Variants in GOLPH3L observed in about 807,000 individuals in gnomAD.
GOLPH3L encodes the protein Golgi phosphoprotein 3-like.
Under a neutral mutation model 30.3 loss-of-function variants are expected in GOLPH3L, and 22 were observed. The ratio of observed to expected loss-of-function variants is 0.73; its 90% confidence interval spans 0.52 to 1.04. The LOEUF (loss-of-function observed/expected upper bound fraction) is 1.04. Ranked by LOEUF, GOLPH3L falls within the 50% of genes least tolerant of loss-of-function variation. GOLPH3L has a pLI of 0.00. For missense variants in GOLPH3L, 303 were observed against 345.8 expected (o/e 0.88, Z 0.98); for synonymous variants, 120 against 128.2 (o/e 0.94, Z 0.43).
At chr1:150,696,961 C>A (rs1324375356) in intron 1 of GOLPH3L, 31 bp downstream of exon 1, 2 of 151,904 alleles carry the variant, frequency 1.3e-5, no homozygotes, top group East Asian at 3.9e-4. Flanking sequence ...GGGGAAGGGA[C>A]GTTAGGAAAT....
intron 4 of GOLPH3L, among the ~76,000 whole-genome samples, chr1:150,660,445 G>T (rs1241141656): frequency 6.6e-6 from 1 of 151,988 alleles, no homozygotes; most frequent in East Asian, 1.9e-4. Context: ...ATATCCAAAA[G>T]AATTAAAAAC....
At chr1:150,672,254 T>C (rs1254479122) in intron 2 of GOLPH3L, among the ~76,000 whole-genome samples, 2 of 152,222 alleles carry the variant, frequency 1.3e-5, no homozygotes, top group African/African-American at 4.8e-5. Context: ...ATTTTATTAT[T>C]TTTTTCCTCC....
At position 150,648,433 on chromosome 1, in the gene GOLPH3L, A is replaced by T. The variant is rs1650030802; in HGVS notation, c.746T>A (p.Val249Glu). Residue 249 changes from valine to glutamate, a missense_variant, in exon 5 of 5, where the codon GTG (valine) becomes GAG (glutamate). Physicochemically the swap from Val to Glu is moderately radical, Grantham distance 121. Transcript: ENST00000271732. ...FSSLTDDKYD[V>E]AMNRAKDLVE... ...TAAGTCCTTGGCTCGATTCATTGCC[A>T]CATCATACTTGTCATCTGTCAGAGA... 6.2e-7 allele frequency: 1 copy of T among 1,613,722 alleles called. No individual in the cohort carries two copies. Among genetic ancestry groups the T allele is most frequent in the African/African-American group, 1.3e-5 (1 of 74,910 alleles).
intron 2 of GOLPH3L, among the ~76,000 whole-genome samples, chr1:150,679,016 A>C (rs114814459): frequency 0.016 from 2,382 of 152,266 alleles, 67 homozygotes; most frequent in African/African-American, 0.055. Flanking sequence ...AATGTTGTTA[A>C]TTATACTTCC....
intron 4 of GOLPH3L, among the ~76,000 whole-genome samples, chr1:150,650,992 G>A (rs992832756): frequency 6.6e-6 from 1 of 152,098 alleles, no homozygotes; most frequent in African/African-American, 2.4e-5. Context: ...TTATCATATA[G>A]AGAATATAAA....
intron 2 of GOLPH3L, among the ~76,000 whole-genome samples, chr1:150,688,328 G>A (rs904078420): frequency 6.6e-5 from 10 of 152,192 alleles, no homozygotes; most frequent in African/African-American, 2.2e-4. Flanking sequence ...AAAAGGAGAT[G>A]GGATGCTTTC....
Position 150,673,572 on chromosome 1 carries a change from A to C in GOLPH3L, c.184-9809T>G, listed in dbSNP as rs956032896. 8.8e-5 allele frequency among the ~76,000 whole-genome samples: 11 copies of C among 125,510 alleles called. No homozygotes were observed. In the East Asian group the frequency reaches 2.1e-3, roughly 23 times the overall value. The allele number at this position is 125,510 out of a possible 152,430, so 82.3% of individuals were successfully genotyped here. ...CAGTGCAAGACTCCGTCTCAAAAAA[A>C]CAAAACAAAACAAAAAACAAAAGAA... On this transcript the variant is annotated intron_variant, in intron 2 of 4. Coordinates refer to ENST00000271732, the MANE Select transcript of GOLPH3L (RefSeq NM_018178.6).
At chr1:150,676,348 A>G (rs1229242433) in intron 2 of GOLPH3L, among the ~76,000 whole-genome samples, 1 of 152,082 alleles carries the variant, frequency 6.6e-6, no homozygotes, top group African/African-American at 2.4e-5. Context: ...ACAGTTATCA[A>G]TATAATCTTT....
At chr1:150,692,240 A>G (rs1452744025) in intron 2 of GOLPH3L, among the ~76,000 whole-genome samples, 1 of 152,204 alleles carries the variant, frequency 6.6e-6, no homozygotes, top group Non-Finnish European at 1.5e-5. Flanking sequence ...CTACTATTTA[A>G]ATAAATCACA....
intron 2 of GOLPH3L, 173 bp downstream of exon 2, chr1:150,694,483 C>G: frequency 2.0e-6 from 1 of 505,288 alleles, no homozygotes; most frequent in Non-Finnish European, 3.5e-6. Flanking sequence ...AATTCTACTT[C>G]TGGATTTTTA....
chr1:150,679,778 C>T (rs969775685), intron 2 of GOLPH3L, among the ~76,000 whole-genome samples: 5 of 152,136 alleles, frequency 3.3e-5, no homozygotes, highest in African/African-American at 9.6e-5. Flanking sequence ...CCAGCCTGGA[C>T]GACAGAGTGG....
In GOLPH3L at chr1:150,647,165, T is replaced by TA. The variant is rs1302884905; in HGVS notation, c.*1155dup. 2 of 152,140 alleles carry TA rather than the reference T, an allele frequency of 1.3e-5. No homozygotes were observed. Among genetic ancestry groups the TA allele is most frequent in the Non-Finnish European group, 2.9e-5 (2 of 68,028 alleles). 9.4% of individuals were successfully genotyped at this position (152,140 alleles called of 1,614,324 possible). ...ACTGATATATTCAGCAACTGAAACTTACAATTCCTTCAATTCAGTCAGAGC... is the reference window on the plus strand; with the variant it reads ...ACTGATATATTCAGCAACTGAAACTTAACAATTCCTTCAATTCAGTCAGAGC... On this transcript the variant is annotated 3_prime_UTR_variant, in exon 5 of 5. Coordinates refer to ENST00000271732, the MANE Select transcript of GOLPH3L (RefSeq NM_018178.6).
chr1:150,648,517 C>T lies in GOLPH3L; in HGVS notation c.662G>A (p.Arg221Gln), dbSNP rs751288207. 1.9e-6 allele frequency: 3 copies of T among 1,613,702 alleles called. No homozygotes were observed. The highest frequency in any genetic ancestry group is 1.7e-5 in the Admixed American group (1 of 59,984). ...WVNDPQRMDK[R>Q]TLALLVLAHS... ...GGCTAGCACCAGGAGTGCTAGTGTT[C>T]GCTTGTCCATACGCTGAGGGTCATT... Residue 221 changes from arginine (R) to glutamine (Q), a missense_variant, in exon 5 of 5, where the codon CGA becomes CAA. Arg to Gln is a conservative substitution (Grantham distance 43). Transcript: ENST00000271732.
chr1:150,695,261 T>C (rs1313696882), intron 1 of GOLPH3L, among the ~76,000 whole-genome samples: 2 of 152,146 alleles, frequency 1.3e-5, no homozygotes, highest in Non-Finnish European at 2.9e-5. Context: ...CTCAGCCTCC[T>C]GAGTAGTTGG....
chr1:150,665,851 G>T (rs948625477), intron 2 of GOLPH3L, among the ~76,000 whole-genome samples: 4 of 152,150 alleles, frequency 2.6e-5, no homozygotes, highest in Non-Finnish European at 5.9e-5. Context: ...GTGAAAGTCT[G>T]TTGGAGGCAG....
At chr1:150,656,247 C>T (rs886186030) in intron 4 of GOLPH3L, among the ~76,000 whole-genome samples, 15 of 152,184 alleles carry the variant, frequency 9.9e-5, no homozygotes, top group African/African-American at 3.6e-4. Flanking sequence ...CTACACCTTA[C>T]TCCTACTTGG....
intron 2 of GOLPH3L, among the ~76,000 whole-genome samples, chr1:150,676,372 C>A (rs1340897321): frequency 6.6e-6 from 1 of 152,046 alleles, no homozygotes; most frequent in Non-Finnish European, 1.5e-5. Context: ...CTTTACCACC[C>A]ACCCCACCCA....
intron 2 of GOLPH3L, among the ~76,000 whole-genome samples, chr1:150,686,995 A>G (rs1651099242): frequency 6.6e-6 from 1 of 152,190 alleles, no homozygotes; most frequent in African/African-American, 2.4e-5. Context: ...AAACCTGACA[A>G]ACAAGCCCTT....
rs1443135724 is a variant in GOLPH3L at position 150,646,954 on chromosome 1, A to C, written c.*1367T>G. On this transcript the variant is annotated 3_prime_UTR_variant, in exon 5 of 5. Coordinates refer to ENST00000271732, the MANE Select transcript of GOLPH3L (RefSeq NM_018178.6). The stretch of plus-strand genomic sequence containing the variant: ...AAGCTTCTCATTGCCCTCACTACTG[A>C]AGTAAAAAACGTGTTAGAGATTTGG... 1 of 152,210 alleles carries C rather than the reference A, an allele frequency of 6.6e-6. No individual in the cohort carries two copies. Among genetic ancestry groups the C allele is most frequent in the East Asian group, 1.9e-4 (1 of 5,204 alleles). 9.4% of individuals were successfully genotyped at this position (152,210 alleles called of 1,614,324 possible).
Sources: gnomAD v4.1 joint callset for allele counts (sites outside exome capture counted in the v4.1 genomes callset) on GRCh38, gnomAD v4.1.1 for gene constraint, MANE v1.5 for transcripts, NCBI Gene and HGNC (gene_info 2026-07-23, HGNC 2026-07-21) for gene names.